Variants in TBCD observed in about 807,000 individuals in gnomAD.
TBCD encodes tubulin-specific chaperone D.
TBCD carries 105 observed loss-of-function variants against 169.3 expected under a neutral mutation model. That is an observed-to-expected ratio of 0.62 (90% CI 0.53 to 0.73). TBCD has a LOEUF of 0.73. TBCD is among the 30% of genes least tolerant of loss of function. The pLI is 0.00. For missense variants in TBCD, 1,444 were observed against 1,600.1 expected, an observed-to-expected ratio of 0.90 and a Z score of 1.66; for synonymous variants, 700 against 643.9, an observed-to-expected ratio of 1.09 and a Z score of -1.32.
intron 7 of TBCD, among the ~76,000 whole-genome samples, chr17:82,797,206 T>G (rs972009715): frequency 6.6e-6 from 1 of 152,202 alleles, no homozygotes; most frequent in African/African-American, 2.4e-5. Flanking sequence ...TATTCCTGTT[T>G]GGTCTGATGG....
chr17:82,936,871 G>A (rs1351796316), intron 34 of TBCD, among the ~76,000 whole-genome samples: 1 of 152,242 alleles, frequency 6.6e-6, no homozygotes, highest in African/African-American at 2.4e-5. Flanking sequence ...TGTGTCCTCT[G>A]TGTGTCGGCA....
In TBCD at chr17:82,807,637, G is replaced by GAC; in HGVS notation, c.1120_1121dup (p.Val375ArgfsTer70). ...GCTGCTGGTCGGGCTGAAGGACAAGGACACGGTCGTGCGGTGGTCTGCAGC... is the reference window on the plus strand; with the variant it reads ...GCTGCTGGTCGGGCTGAAGGACAAGGACACACGGTCGTGCGGTGGTCTGCAGC... On this transcript the variant is annotated frameshift_variant, in exon 11 of 39. Transcript: ENST00000355528. LOFTEE classifies it high-confidence loss of function. 6.4e-7 allele frequency: 1 copy of GAC among 1,557,192 alleles called. No homozygotes were observed. Among genetic ancestry groups the GAC allele is most frequent in the Non-Finnish European group, 8.7e-7 (1 of 1,150,848 alleles).
chr17:82,758,416 T>TAAAAAAAAAAAAA (rs1164664050), intron 2 of TBCD, among the ~76,000 whole-genome samples: 1 of 85,338 alleles, frequency 1.2e-5, no homozygotes, highest in Non-Finnish European at 2.5e-5. Flanking sequence ...AATAAATAAA[T>TAAAAAAAAAAAAA]AAATTTTTTT....
At chr17:82,798,185 C>T (rs535034618) in intron 8 of TBCD, among the ~76,000 whole-genome samples, 12 of 143,136 alleles carry the variant, frequency 8.4e-5, no homozygotes, top group South Asian at 4.6e-4. Context: ...TTCTCTCTGT[C>T]GCCCAGGCTG....
Position 82,941,426 on chromosome 17 carries a change from G to T in TBCD, c.3507G>T (p.Glu1169Asp). The T allele has an allele frequency of 6.2e-7, 1 of 1,600,974 alleles. No homozygotes were observed. Residue 1169 changes from glutamate to aspartate, a missense_variant, in exon 38 of 39, where the codon GAG becomes GAT. Physicochemically the swap from Glu to Asp is conservative, Grantham distance 45 (BLOSUM62 2). Coordinates refer to ENST00000355528, the MANE Select transcript of TBCD (RefSeq NM_005993.5). ...AWDAELAVVR[E>D]QRNRLCDLLG... ...ACGCGGAGCTTGCAGTGGTGAGAGA[G>T]CAGCGCAACCGTCTGTGTGACCTTC...
chr17:82,923,708 G>T lies in TBCD; in HGVS notation c.2235G>T (p.Pro745=), dbSNP rs373335565. 2 of 1,598,996 alleles carry T rather than the reference G, an allele frequency of 1.3e-6. No homozygotes were observed. The highest frequency in any genetic ancestry group is 2.2e-5 in the East Asian group (1 of 44,454). ...GCAGTGAATATTACATGAAGGAGCC[G>T]GGGGAGGCAGATCCCGCAATTCAGG... ...ALCSEYYMKE[P]GEADPAIQEE... The change falls in exon 26 of 39, where the codon CCG becomes CCT. Residue 745 remains proline (P), a synonymous_variant. Transcript: ENST00000355528. The surrounding 1 kb of genome is among the most constrained non-coding windows in gnomAD (Gnocchi z 4.6).
At position 82,900,675 on chromosome 17, in the gene TBCD, G is replaced by A. The variant is rs773861220; in HGVS notation, c.1674G>A (p.Glu558=). The change falls in exon 18 of 39, where the codon GAG becomes GAA. Residue 558 remains glutamate (E), a synonymous_variant. Coordinates refer to ENST00000355528, the MANE Select transcript of TBCD (RefSeq NM_005993.5). The stretch of plus-strand genomic sequence containing the variant: ...GTGTGTTTATTGCCGGCTTTCCTGA[G>A]TACACGCAGCCAATGATAGACCACC... ...VISVFIAGFP[E]YTQPMIDHLV... The A allele has an allele frequency of 2.5e-6, 4 of 1,614,000 alleles. No homozygotes were observed. The African/African-American group carries it at 5.3e-5, about 22-fold the overall frequency.
At chr17:82,925,386 C>T (rs1035019754) in intron 27 of TBCD, among the ~76,000 whole-genome samples, 1 of 152,176 alleles carries the variant, frequency 6.6e-6, no homozygotes, top group Admixed American at 6.5e-5. Flanking sequence ...GAGCCGGGTC[C>T]TGTTTTGGTT....
intron 5 of TBCD, among the ~76,000 whole-genome samples, chr17:82,768,778 G>A (rs535377563): frequency 3.6e-4 from 55 of 152,254 alleles, no homozygotes; most frequent in African/African-American, 1.3e-3. Flanking sequence ...CTTTGTAGAT[G>A]ATGCAAATAC....
At chr17:82,828,360 A>T (rs1288091077) in intron 13 of TBCD, among the ~76,000 whole-genome samples, 1 of 134,942 alleles carries the variant, frequency 7.4e-6, no homozygotes, top group Non-Finnish European at 1.6e-5. Context: ...GTGGACACCC[A>T]CACGATTGAA....
chr17:82,880,621 AGGTAGCG>A lies in TBCD; in HGVS notation c.1476-3520_1476-3514del, dbSNP rs2058287251. ...GAGGAGGCATCCAGGCCCTCAGGGC[AGGTAGCG>A]GGTGGGCCTCCGTGGTGTTGGGAGG... On this transcript the variant is annotated intron_variant, in intron 14 of 38. Transcript: ENST00000355528. This position sits in a 1 kb window ranked among gnomAD's most constrained non-coding sequence, Gnocchi z 5.0. 6.6e-6 allele frequency among the ~76,000 whole-genome samples: 1 copy of A among 152,214 alleles called. No homozygotes were observed. The highest frequency in any genetic ancestry group is 2.4e-5 in the African/African-American group (1 of 41,458).
Position 82,881,602 on chromosome 17 carries a change from C to T in TBCD, c.1476-2543C>T, listed in dbSNP as rs576053142. Among the ~76,000 whole-genome samples, 11 of 152,316 alleles carry T rather than the reference C, an allele frequency of 7.2e-5. No homozygotes were observed. In the East Asian group the frequency reaches 9.7e-4, roughly 13 times the overall value. On this transcript the variant is annotated intron_variant, in intron 14 of 38. Transcript: ENST00000355528. ...TGAGCCTTGGGGTACCCCGTGCCTACGTGCCCTCCTGGCTTTGCCCATGGT... is the reference window on the plus strand; with the variant it reads ...TGAGCCTTGGGGTACCCCGTGCCTATGTGCCCTCCTGGCTTTGCCCATGGT...
chr17:82,941,372 GACTC>G, intron 37 of TBCD, 23 bp from the exon 38 acceptor site: 1 of 1,560,372 alleles, frequency 6.4e-7, no homozygotes, highest in Non-Finnish European at 8.6e-7. Flanking sequence ...GCACTCGAGA[GACTC>G]ACGGCTCTCC....
chr17:82,894,499 C>T (rs977538062), intron 17 of TBCD, among the ~76,000 whole-genome samples: 4 of 152,142 alleles, frequency 2.6e-5, no homozygotes, highest in Non-Finnish European at 5.9e-5. Flanking sequence ...CTGTGTAGAC[C>T]GTGCAGAAAG....
At position 82,905,975 on chromosome 17, in the gene TBCD, T is replaced by G; in HGVS notation, c.1844T>G (p.Leu615Arg). 1 of 1,613,402 alleles carries G rather than the reference T, an allele frequency of 6.2e-7. No homozygotes were observed. The highest frequency in any genetic ancestry group is 8.5e-7 in the Non-Finnish European group (1 of 1,179,618). Residue 615 changes from leucine to arginine, a missense_variant, in exon 20 of 39, where the codon CTT becomes CGT. By Grantham distance (102) the Leu-to-Arg change is moderately radical. Coordinates refer to ENST00000355528, the MANE Select transcript of TBCD (RefSeq NM_005993.5). ...RLLSMTLSPD[L>R]HMRHGSILAC... ...CTGTCCATGACACTGAGTCCAGATC[T>G]TCACATGAGGCATGGGTCGATTCTC...
intron 11 of TBCD, among the ~76,000 whole-genome samples, chr17:82,809,202 C>T (rs1274248573): frequency 6.6e-6 from 1 of 152,060 alleles, no homozygotes; most frequent in East Asian, 1.9e-4. Context: ...CAGTGTCCTT[C>T]CTGGAGGCCC....
In TBCD at chr17:82,889,888, G is replaced by T. The variant is rs2059009925; in HGVS notation, c.1563+191G>T. The stretch of plus-strand genomic sequence containing the variant: ...GTCCTGTTTCACAGGGAACCTGCAT[G>T]TACAGTAATTTACACACACAGGCCG... On this transcript the variant is annotated intron_variant, in intron 16 of 38. Transcript: ENST00000355528. This position sits in a 1 kb window ranked among gnomAD's most constrained non-coding sequence, Gnocchi z 5.3. Among the ~76,000 whole-genome samples, 1 of 152,244 alleles carries T rather than the reference G, an allele frequency of 6.6e-6. No individual in the cohort carries two copies. The highest frequency in any genetic ancestry group is 2.4e-5 in the African/African-American group (1 of 41,460).
chr17:82,941,405 G>A lies in TBCD; in HGVS notation c.3486G>A (p.Ala1162=), dbSNP rs9390. ...VTVLSDTAWD[A]ELAVVREQRN... ...GCTCTCCCTCTCCTCACAGGGACGCGGAGCTTGCAGTGGTGAGAGAGCAGC... is the reference window on the plus strand; with the variant it reads ...GCTCTCCCTCTCCTCACAGGGACGCAGAGCTTGCAGTGGTGAGAGAGCAGC... The change falls in exon 38 of 39, where the codon GCG becomes GCA. Residue 1162 remains alanine, a synonymous_variant. Transcript: ENST00000355528. 752,215 of 1,590,066 alleles carry A rather than the reference G, an allele frequency of 0.47. 180,785 individuals are homozygous for A. The highest frequency in any genetic ancestry group is 0.49 in the Non-Finnish European group (569,632 of 1,172,250).
intron 19 of TBCD, among the ~76,000 whole-genome samples, chr17:82,904,971 C>T (rs776210081): frequency 3.8e-4 from 58 of 152,222 alleles, no homozygotes; most frequent in Non-Finnish European, 7.5e-4. Context: ...CACCCCCAGC[C>T]GCCACATCTT....
Sources: allele counts gnomAD v4.1 joint callset (sites outside exome capture counted in the v4.1 genomes callset), GRCh38; gene constraint gnomAD v4.1.1; non-coding constraint Gnocchi (gnomAD v3.1); transcripts MANE v1.5; gene names NCBI Gene and HGNC (gene_info 2026-07-23, HGNC 2026-07-21).